Variants in RNF180 observed in about 807,000 individuals in gnomAD.
The protein encoded by RNF180 is ring finger protein 180.
RNF180 carries 38 observed loss-of-function variants against 59.2 expected under a neutral mutation model. The observed-to-expected ratio is 0.64, with a 90% CI of 0.50 to 0.84. The LOEUF is 0.84. Ranked by LOEUF, RNF180 falls within the 40% of genes least tolerant of loss-of-function variation. The pLI is 0.00. For synonymous variants in RNF180, 262 were observed against 240.3 expected (o/e 1.09, Z -0.84); for missense variants, 705 against 700.9 (o/e 1.01, Z -0.07).
At chr5:64,337,797 A>G (rs916569235) in intron 7 of RNF180, among the ~76,000 whole-genome samples, 1 of 151,934 alleles carries the variant, frequency 6.6e-6, no homozygotes, top group Non-Finnish European at 1.5e-5. Flanking sequence ...GAGAATGATG[A>G]TTTCCAGTTT....
chr5:64,285,281 G>A (rs1181389299), intron 5 of RNF180, among the ~76,000 whole-genome samples: 1 of 152,208 alleles, frequency 6.6e-6, no homozygotes, highest in East Asian at 1.9e-4. Flanking sequence ...AGTGACAGCA[G>A]AACCTGTGCT....
chr5:64,245,457 G>C (rs997429320), intron 5 of RNF180, among the ~76,000 whole-genome samples: 5 of 151,936 alleles, frequency 3.3e-5, no homozygotes, highest in African/African-American at 1.2e-4. Flanking sequence ...AAAAAAGCAG[G>C]GGTTGCAATC....
At chr5:64,278,768 G>T (rs765829123) in intron 5 of RNF180, among the ~76,000 whole-genome samples, 4 of 152,124 alleles carry the variant, frequency 2.6e-5, no homozygotes, top group Admixed American at 6.6e-5. Flanking sequence ...AATCCACAGA[G>T]AGATGGATAT....
chr5:64,174,718 G>A (rs2111896708), intron 1 of RNF180, among the ~76,000 whole-genome samples: 1 of 152,116 alleles, frequency 6.6e-6, no homozygotes, highest in Non-Finnish European at 1.5e-5. Context: ...CAGATGCATA[G>A]TTTGCGAATA....
At chr5:64,236,534 A>C (rs1742450505) in intron 5 of RNF180, among the ~76,000 whole-genome samples, 1 of 152,256 alleles carries the variant, frequency 6.6e-6, no homozygotes, top group Admixed American at 6.5e-5. Context: ...GAAAAGAAAA[A>C]CCCATTTTCT....
At chr5:64,244,107 A>AG (rs751155289) in intron 5 of RNF180, among the ~76,000 whole-genome samples, 7 of 152,186 alleles carry the variant, frequency 4.6e-5, no homozygotes, top group Admixed American at 1.3e-4. Context: ...TCAAAACCGA[A>AG]GGTAGATAAA....
chr5:64,273,392 T>G (rs1741535336), intron 5 of RNF180, among the ~76,000 whole-genome samples: 1 of 151,914 alleles, frequency 6.6e-6, no homozygotes, highest in Non-Finnish European at 1.5e-5. Flanking sequence ...ATTCCTTTAC[T>G]TCCTTAATAA....
At chr5:64,313,448 G>A (rs1467060493) in intron 5 of RNF180, among the ~76,000 whole-genome samples, 3 of 152,022 alleles carry the variant, frequency 2.0e-5, no homozygotes, top group African/African-American at 4.8e-5. Flanking sequence ...TAGAATAATG[G>A]CTTCCAGCTC....
rs1160268017 is a variant in RNF180 at position 64,371,241 on chromosome 5, T to C, written c.*1427T>C. ...CCAGAAATCAGAACACTAAGTACAATTTAGAAACACAGATAAATTTATACT... is the reference window on the plus strand; with the variant it reads ...CCAGAAATCAGAACACTAAGTACAACTTAGAAACACAGATAAATTTATACT... On this transcript the variant is annotated 3_prime_UTR_variant, in exon 8 of 8. Coordinates refer to ENST00000389100, the MANE Select transcript of RNF180 (RefSeq NM_001113561.2). The C allele has an allele frequency of 6.6e-6, 1 of 151,580 alleles. No homozygotes were observed. The highest frequency in any genetic ancestry group is 1.5e-5 in the Non-Finnish European group (1 of 67,702). The allele number at this position is 151,580 out of a possible 1,614,324, so 9.4% of individuals were successfully genotyped here. A position where few individuals can be genotyped will look rare whatever the true frequency, so the allele number is the denominator to read the frequency against.
chr5:64,202,171 A>G (rs1001119556), intron 2 of RNF180, among the ~76,000 whole-genome samples: 1 of 152,192 alleles, frequency 6.6e-6, no homozygotes, highest in African/African-American at 2.4e-5. Flanking sequence ...TTCTGCAGGC[A>G]GTGGTCTCCC....
intron 5 of RNF180, among the ~76,000 whole-genome samples, chr5:64,226,628 CCT>C (rs1741776920): frequency 6.6e-6 from 1 of 151,978 alleles, no homozygotes. Context: ...GCCACATCCC[CCT>C]CTCTGAGAAA....
At chr5:64,301,210 A>G (rs1237360924) in intron 5 of RNF180, among the ~76,000 whole-genome samples, 1 of 151,788 alleles carries the variant, frequency 6.6e-6, no homozygotes, top group African/African-American at 2.4e-5. Context: ...ACAAATGGTA[A>G]ATGAACAAAC....
chr5:64,219,590 C>T (rs925242799), intron 5 of RNF180, among the ~76,000 whole-genome samples: 2 of 152,078 alleles, frequency 1.3e-5, no homozygotes, highest in Non-Finnish European at 2.9e-5. Context: ...TCTCAGCTCA[C>T]TGCAACCCCT....
At chr5:64,307,507 G>A (rs1373346810) in intron 5 of RNF180, among the ~76,000 whole-genome samples, 2 of 151,656 alleles carry the variant, frequency 1.3e-5, no homozygotes, top group Admixed American at 6.6e-5. Context: ...GTATGAGTAA[G>A]TGTGTTGTTT....
At chr5:64,210,273 G>T (rs1752236185) in intron 2 of RNF180, among the ~76,000 whole-genome samples, 1 of 152,208 alleles carries the variant, frequency 6.6e-6, no homozygotes, top group East Asian at 1.9e-4. Context: ...TTCTAAGGTG[G>T]CTCTTCACAG....
intron 2 of RNF180, among the ~76,000 whole-genome samples, chr5:64,204,692 C>A (rs1751927651): frequency 6.6e-6 from 1 of 152,028 alleles, no homozygotes; most frequent in African/African-American, 2.4e-5. Context: ...TGTATTAGTT[C>A]TGTCCTTTAT....
intron 7 of RNF180, among the ~76,000 whole-genome samples, chr5:64,368,027 A>G (rs1227295179): frequency 2.6e-5 from 4 of 151,766 alleles, no homozygotes; most frequent in Non-Finnish European, 5.9e-5. Flanking sequence ...ATTAGCATGT[A>G]AATACACAAA....
chr5:64,180,160 G>A (rs1750492712), intron 1 of RNF180, among the ~76,000 whole-genome samples: 1 of 152,066 alleles, frequency 6.6e-6, no homozygotes, highest in Admixed American at 6.5e-5. Context: ...TCTTCTTCCA[G>A]TCTGTGGGTT....
At chr5:64,270,948 A>T (rs572122649) in intron 5 of RNF180, among the ~76,000 whole-genome samples, 2 of 152,226 alleles carry the variant, frequency 1.3e-5, no homozygotes, top group African/African-American at 4.8e-5. Context: ...GCTTATAATC[A>T]TATAAATACT....
Sources: gnomAD v4.1 joint callset for allele counts (sites outside exome capture counted in the v4.1 genomes callset) on GRCh38, gnomAD v4.1.1 for gene constraint, MANE v1.5 for transcripts, NCBI Gene and HGNC (gene_info 2026-07-23, HGNC 2026-07-21) for gene names.